The following NPAS1 variants were observed in gnomAD, a reference collection of about 807,000 sequenced individuals.
NPAS1 encodes neuronal PAS domain-containing protein 1.
NPAS1 carries 29 observed loss-of-function variants against 49.2 expected under a neutral mutation model. The ratio of observed to expected loss-of-function variants is 0.59; its 90% CI spans 0.44 to 0.80. The LOEUF (loss-of-function observed/expected upper bound fraction) is 0.80. NPAS1 is among the 30% of genes least tolerant of loss of function. NPAS1 has a pLI of 0.00. For missense variants in NPAS1, 825 were observed against 835.5 expected (o/e 0.99, Z 0.15); for synonymous variants, 408 against 380.4 (o/e 1.07, Z -0.84).
intron 5 of NPAS1, among the ~76,000 whole-genome samples, chr19:47,033,187 C>G (rs749001411): frequency 1.3e-5 from 2 of 151,700 alleles, no homozygotes; most frequent in Non-Finnish European, 2.9e-5. Context: ...CCACCTGCCT[C>G]GGCCTCCCAA....
chr19:47,026,143 T>G (rs1461158589), intron 3 of NPAS1, among the ~76,000 whole-genome samples: 1 of 152,070 alleles, frequency 6.6e-6, no homozygotes, highest in Non-Finnish European at 1.5e-5. Context: ...TTCGCCACGT[T>G]GGCCAGGCTG....
chr19:47,020,895 C>CT, intron 1 of NPAS1, 111 bp from the exon 2 acceptor site: 1 of 14,602 alleles, frequency 6.8e-5, no homozygotes. Context: ...ATCATCCAGG[C>CT]CCCCCCCCCC....
In NPAS1 at chr19:47,021,829, G is replaced by A. The variant is rs1470972324; in HGVS notation, c.340G>A (p.Gly114Arg). The A allele has an allele frequency of 1.3e-6, 2 of 1,506,562 alleles. No individual in the cohort carries two copies. Among genetic ancestry groups the A allele is most frequent in the African/African-American group, 2.9e-5 (2 of 69,040 alleles). The allele number at this position is 1,506,562 out of a possible 1,614,324, so 93.3% of individuals were successfully genotyped here. ...GAPPWGLRAA[G>R]PPAGLAPGRR... The stretch of plus-strand genomic sequence containing the variant: ...GCCGCCCTGGGGGCTGAGAGCCGCG[G>A]GGCCGCCAGCTGGCCTCGGTGAGTG... The change falls in exon 3 of 12, where the codon GGG (glycine) becomes AGG (arginine). Residue 114 changes from glycine (G) to arginine (R), a missense_variant. Gly to Arg is a moderately radical substitution (Grantham distance 125). Coordinates refer to ENST00000602212, the MANE Select transcript of NPAS1 (RefSeq NM_002517.4). The surrounding 1 kb of genome is among the most constrained non-coding windows in gnomAD (Gnocchi z 5.7).
At chr19:47,028,209 T>C (rs2056885962) in intron 3 of NPAS1, among the ~76,000 whole-genome samples, 1 of 152,018 alleles carries the variant, frequency 6.6e-6, no homozygotes, top group Non-Finnish European at 1.5e-5. Flanking sequence ...AGGGGAAAAT[T>C]GCGACAATTA....
intron 3 of NPAS1, among the ~76,000 whole-genome samples, chr19:47,025,371 T>C (rs8109360): frequency 0.01 from 1,335 of 133,376 alleles, 117 homozygotes; most frequent in African/African-American, 0.032. Flanking sequence ...CTCCTTCTCC[T>C]GGGTTCAAGC....
intron 3 of NPAS1, among the ~76,000 whole-genome samples, chr19:47,026,458 C>T (rs554636554): frequency 6.6e-6 from 1 of 152,266 alleles, no homozygotes; most frequent in South Asian, 2.1e-4. Flanking sequence ...GAAGTAGGAG[C>T]CCAGTGAGGA....
At chr19:47,028,928 C>T (rs1338383425) in intron 3 of NPAS1, among the ~76,000 whole-genome samples, 1 of 152,116 alleles carries the variant, frequency 6.6e-6, no homozygotes, top group Non-Finnish European at 1.5e-5. Flanking sequence ...GTCCAGGGTC[C>T]TAGCTCCTGA....
At position 47,039,415 on chromosome 19, in the gene NPAS1, C is replaced by T. The variant is rs572488731; in HGVS notation, c.813C>T (p.His271=). Residue 271 remains histidine, a synonymous_variant, in exon 8 of 12, where the codon CAC becomes CAT. Coordinates refer to ENST00000602212, the MANE Select transcript of NPAS1 (RefSeq NM_002517.4). Reference sequence around the variant, plus strand: ...ATGCCCACCACCAGCAGGTCATCCACGTGACTGGGCGCCTTCGGGCCCACG... The same window carrying T: ...ATGCCCACCACCAGCAGGTCATCCATGTGACTGGGCGCCTTCGGGCCCACG... ...HVKASGYKVI[H]VTGRLRAHAL... is the part of the protein sequence containing the mutation. 1.8e-4 allele frequency: 288 copies of T among 1,611,822 alleles called. 1 individual carries two copies. In the Middle Eastern group the frequency reaches 5.7e-3, roughly 32 times the overall value.
intron 5 of NPAS1, among the ~76,000 whole-genome samples, chr19:47,034,147 A>G (rs2056929173): frequency 6.6e-6 from 1 of 151,466 alleles, no homozygotes. Context: ...TCTCTACTAA[A>G]AAACAAAAAA....
At chr19:47,033,390 A>G (rs534996097) in intron 5 of NPAS1, among the ~76,000 whole-genome samples, 2 of 151,844 alleles carry the variant, frequency 1.3e-5, no homozygotes, top group Admixed American at 6.6e-5. Flanking sequence ...ACAGACATGC[A>G]CCACCACGCC....
chr19:47,034,689 C>A (rs1439358873), intron 5 of NPAS1, among the ~76,000 whole-genome samples: 1 of 151,850 alleles, frequency 6.6e-6, no homozygotes, highest in Non-Finnish European at 1.5e-5. Context: ...CCAACCTGGG[C>A]AACATGGCGA....
chr19:47,044,060 C>T (rs1005939589), intron 11 of NPAS1, among the ~76,000 whole-genome samples: 7 of 151,432 alleles, frequency 4.6e-5, no homozygotes, highest in South Asian at 2.1e-4. Context: ...GGTAAGACCT[C>T]GTCTCAAACA....
At chr19:47,020,753 G>A in intron 1 of NPAS1, 1 of 194,136 alleles carries the variant, frequency 5.2e-6, no homozygotes. Flanking sequence ...GAGCCGGCCC[G>A]GCGCGGGCGT....
chr19:47,037,023 T>A (rs1369009338), intron 6 of NPAS1, among the ~76,000 whole-genome samples: 3 of 137,214 alleles, frequency 2.2e-5, no homozygotes. Context: ...GTTGCTGCAC[T>A]CCAGCCCGGG....
At chr19:47,035,097 C>T (rs577576796) in intron 5 of NPAS1, among the ~76,000 whole-genome samples, 2 of 151,906 alleles carry the variant, frequency 1.3e-5, no homozygotes, top group Admixed American at 6.6e-5. Context: ...GGGAGAATTG[C>T]TTGAACCTGG....
In NPAS1 at chr19:47,039,167, C is replaced by T. The variant is rs71353947; in HGVS notation, c.804+16C>T. The T allele has an allele frequency of 0.095, 149,843 of 1,585,016 alleles. 7,911 individuals are homozygous for T. The highest frequency in any genetic ancestry group is 0.15 in the Middle Eastern group (886 of 5,826). On this transcript the variant is annotated intron_variant, in intron 7 of 11. Coordinates refer to ENST00000602212, the MANE Select transcript of NPAS1 (RefSeq NM_002517.4). ...AGGGTACAAGGTGGGTGTGAGCAGT[C>T]AGGCTCCTGTATTCCAGGCAGCCAT...
intron 3 of NPAS1, among the ~76,000 whole-genome samples, chr19:47,027,155 G>A (rs1357107924): frequency 3.3e-5 from 5 of 152,204 alleles, no homozygotes; most frequent in South Asian, 2.1e-4. Context: ...GCGCTTTGAC[G>A]ATGGGGCATG....
At chr19:47,031,459 A>G (rs527904228) in intron 3 of NPAS1, among the ~76,000 whole-genome samples, 1 of 151,416 alleles carries the variant, frequency 6.6e-6, no homozygotes, top group Non-Finnish European at 1.5e-5. Context: ...CGGCCTCCCA[A>G]AGTGCTTGGA....
At chr19:47,035,256 A>T (rs1294768195) in intron 5 of NPAS1, 1 of 152,322 alleles carries the variant, frequency 6.6e-6, no homozygotes, top group Non-Finnish European at 1.5e-5. Context: ...GGCGTGGGGG[A>T]GGATTTAATG....
Sources: gnomAD v4.1 joint callset for allele counts (sites outside exome capture counted in the v4.1 genomes callset) on GRCh38, gnomAD v4.1.1 for gene constraint, Gnocchi (gnomAD v3.1) non-coding constraint, MANE v1.5 for transcripts, NCBI Gene and HGNC (gene_info 2026-07-23, HGNC 2026-07-21) for gene names.